The following ATG7 variants were observed in gnomAD, a reference collection of about 807,000 sequenced individuals.
ATG7 encodes the protein autophagy related 7.
ATG7 carries 70 observed loss-of-function variants against 82.4 expected under a neutral mutation model. The observed-to-expected ratio is 0.85, with a 90% confidence interval of 0.70 to 1.04. The LOEUF (loss-of-function observed/expected upper bound fraction) is 1.04. ATG7 is among the 50% of genes least tolerant of loss of function. ATG7 has a pLI of 0.00. For synonymous variants in ATG7, 287 were observed against 313.0 expected (o/e 0.92, Z 0.88); for missense variants, 792 against 864.3 (o/e 0.92, Z 1.05).
chr3:11,436,411 G>A (rs1576399982), intron 20 of ATG7, among the ~76,000 whole-genome samples: 2 of 152,300 alleles, frequency 1.3e-5, no homozygotes, highest in Middle Eastern at 3.4e-3. Context: ...CTGTTTAACA[G>A]TTCCTTGAAA....
chr3:11,491,907 G>T (rs913648797), intron 20 of ATG7, among the ~76,000 whole-genome samples: 1 of 152,226 alleles, frequency 6.6e-6, no homozygotes, highest in East Asian at 1.9e-4. Context: ...GGTTACTGCT[G>T]TCTTTTTGTT....
chr3:11,300,439 T>A (rs1174470868), intron 5 of ATG7, among the ~76,000 whole-genome samples: 1 of 152,142 alleles, frequency 6.6e-6, no homozygotes, highest in Admixed American at 6.5e-5. Flanking sequence ...TGAAACACAG[T>A]ATGAGTAGCT....
intron 19 of ATG7, among the ~76,000 whole-genome samples, chr3:11,408,055 T>C (rs746317103): frequency 6.6e-6 from 1 of 152,240 alleles, no homozygotes; most frequent in African/African-American, 2.4e-5. Context: ...CTGCAAACTT[T>C]CTAAACTTTT....
At chr3:11,536,463 G>A (rs1379716283) in intron 20 of ATG7, among the ~76,000 whole-genome samples, 2 of 152,166 alleles carry the variant, frequency 1.3e-5, no homozygotes, top group Admixed American at 1.3e-4. Flanking sequence ...TTTTGTCCTG[G>A]GACAGAGCCT....
Position 11,292,550 on chromosome 3 carries a change from ACACCCAGCC to A in ATG7, c.-10-6135_-10-6127del. Among the ~76,000 whole-genome samples, 5 of 151,354 alleles carry A rather than the reference ACACCCAGCC, an allele frequency of 3.3e-5. No individual in the cohort carries two copies. The South Asian group carries it at 1.0e-3, about 32-fold the overall frequency. On this transcript the variant is annotated intron_variant, in intron 3 of 20. Transcript: ENST00000693202. ...GCTAGGATTACAGGCGTGAGCCACCACACCCAGCCTCCTTGTGTGAATTTCTTACTTCTT... is the reference window on the plus strand; with the variant it reads ...GCTAGGATTACAGGCGTGAGCCACCATCCTTGTGTGAATTTCTTACTTCTT...
chr3:11,426,990 A>G (rs1040809234), intron 20 of ATG7, 64 bp downstream of exon 20: 10 of 1,478,614 alleles, frequency 6.8e-6, no homozygotes, highest in East Asian at 2.4e-5. Context: ...GATATTCGCC[A>G]TATGGAAAAG....
intron 19 of ATG7, among the ~76,000 whole-genome samples, chr3:11,385,902 C>T (rs1435601629): frequency 6.6e-6 from 1 of 152,172 alleles, no homozygotes; most frequent in Non-Finnish European, 1.5e-5. Context: ...TTGTGAGTGC[C>T]GTTTTAATTT....
chr3:11,516,316 C>T (rs909909359), intron 20 of ATG7, among the ~76,000 whole-genome samples: 3 of 151,634 alleles, frequency 2.0e-5, no homozygotes, highest in African/African-American at 7.3e-5. Context: ...TGCACATGTA[C>T]CCTAAAACTT....
chr3:11,273,433 A>G (rs1940967910), intron 1 of ATG7, among the ~76,000 whole-genome samples: 2 of 152,180 alleles, frequency 1.3e-5, no homozygotes, highest in South Asian at 2.1e-4. Flanking sequence ...TTCCTCCTTC[A>G]GGCTCTTGGA....
chr3:11,395,971 G>A lies in ATG7; in HGVS notation c.1956+15919G>A, dbSNP rs1256748142. On this transcript the variant is annotated intron_variant, in intron 19 of 20. Coordinates refer to ENST00000693202, the MANE Select transcript of ATG7 (RefSeq NM_001349232.2). Reference sequence around the variant, plus strand: ...AAAAAAAAAAAAAAAAAAAAGGTAGGGGGGGAAGAGTAAAAGTGAAGGTAT... The same window carrying A: ...AAAAAAAAAAAAAAAAAAAAGGTAGAGGGGGAAGAGTAAAAGTGAAGGTAT... 1.4e-5 allele frequency among the ~76,000 whole-genome samples: 2 copies of A among 144,104 alleles called. 1 individual carries two copies. Among genetic ancestry groups the A allele is most frequent in the Non-Finnish European group, 3.0e-5 (2 of 66,388 alleles). 94.5% of individuals were successfully genotyped at this position (144,104 alleles called of 152,430 possible).
intron 3 of ATG7, among the ~76,000 whole-genome samples, chr3:11,289,383 A>C (rs1944590961): frequency 6.6e-6 from 1 of 152,194 alleles, no homozygotes; most frequent in Non-Finnish European, 1.5e-5. Flanking sequence ...TATGTTCCTA[A>C]GTGATACCTT....
intron 20 of ATG7, among the ~76,000 whole-genome samples, chr3:11,537,490 T>C (rs946743303): frequency 2.0e-5 from 3 of 152,208 alleles, no homozygotes; most frequent in African/African-American, 7.2e-5. Context: ...GTTCAAAGGA[T>C]GCTGGCTGAA....
At chr3:11,280,610 C>T (rs1288131768) in intron 1 of ATG7, among the ~76,000 whole-genome samples, 1 of 152,164 alleles carries the variant, frequency 6.6e-6, no homozygotes, top group African/African-American at 2.4e-5. Flanking sequence ...CCTGCCATTC[C>T]AGATGGTTGG....
downstream of ATG7, chr3:11,558,704 G>A: frequency 1.2e-6 from 2 of 1,614,040 alleles, no homozygotes; most frequent in African/African-American, 1.3e-5. Context: ...CAGAGCTTTG[G>A]CAAAGTGGTC....
chr3:11,501,919 A>T (rs981395560), intron 20 of ATG7, among the ~76,000 whole-genome samples: 9 of 152,064 alleles, frequency 5.9e-5, no homozygotes, highest in African/African-American at 2.2e-4. Context: ...AGAACTCCTG[A>T]CCTCAGTTGA....
At chr3:11,305,347 C>G (rs990639364) in intron 5 of ATG7, among the ~76,000 whole-genome samples, 3 of 152,210 alleles carry the variant, frequency 2.0e-5, no homozygotes, top group African/African-American at 7.2e-5. Flanking sequence ...TCTTGGTATG[C>G]AGTTTTCTCC....
At position 11,499,671 on chromosome 3, in the gene ATG7, G is replaced by A. The variant is rs373700075; in HGVS notation, c.2080-55140G>A. Among the ~76,000 whole-genome samples, 11 of 151,404 alleles carry A rather than the reference G, an allele frequency of 7.3e-5. No homozygotes were observed. In the South Asian group the frequency reaches 1.5e-3, roughly 20 times the overall value. On this transcript the variant is annotated intron_variant, in intron 20 of 20. Transcript: ENST00000693202. Reference sequence around the variant, plus strand: ...CTGAGGCAGGAGAATCGCTTGAACCGGGAAGGCAGAGGTTGCAGTGAGCCA... The same window carrying A: ...CTGAGGCAGGAGAATCGCTTGAACCAGGAAGGCAGAGGTTGCAGTGAGCCA...
intron 20 of ATG7, chr3:11,529,455 T>C (rs1424328325): frequency 6.5e-6 from 1 of 152,740 alleles, no homozygotes; most frequent in Non-Finnish European, 1.5e-5. Flanking sequence ...CTTAGTCATA[T>C]GAATGAAGGG....
intron 19 of ATG7, among the ~76,000 whole-genome samples, chr3:11,387,450 A>G (rs920808813): frequency 6.6e-5 from 10 of 152,096 alleles, no homozygotes; most frequent in African/African-American, 2.4e-4. Flanking sequence ...TTCTTACAGG[A>G]TCCCTTTTGC....
Sources: allele counts gnomAD v4.1 joint callset (sites outside exome capture counted in the v4.1 genomes callset), GRCh38; gene constraint gnomAD v4.1.1; transcripts MANE v1.5; gene names NCBI Gene and HGNC (gene_info 2026-07-23, HGNC 2026-07-21).